ZSCAN10: variants seen among roughly 807,000 people sequenced by gnomAD.
The protein encoded by ZSCAN10 is zinc finger and SCAN domain-containing protein 10.
ZSCAN10 carries 52 observed loss-of-function variants against 63.7 expected under a neutral mutation model. That is an observed-to-expected ratio of 0.82 (90% CI 0.65 to 1.03). The LOEUF is 1.03. Ranked by LOEUF, ZSCAN10 falls within the 50% of genes least tolerant of loss-of-function variation. The pLI is 0.00. For synonymous variants in ZSCAN10, 544 were observed against 479.6 expected (o/e 1.13, Z -1.76); for missense variants, 1,223 against 1,103.8 (o/e 1.11, Z -1.53).
intron 1 of ZSCAN10, among the ~76,000 whole-genome samples, chr16:3,094,650 G>C (rs1404213957): frequency 2.6e-5 from 4 of 152,014 alleles, no homozygotes; most frequent in African/African-American, 9.7e-5. Flanking sequence ...CGACCTAATG[G>C]TGGCCTTTAG....
chr16:3,098,560 A>G (rs1445204764), intron 1 of ZSCAN10, among the ~76,000 whole-genome samples: 1 of 152,220 alleles, frequency 6.6e-6, no homozygotes, highest in Non-Finnish European at 1.5e-5. Flanking sequence ...AGATCTCTCC[A>G]AAAGGTTTCA....
rs753802167 is a variant in ZSCAN10 at position 3,089,518 on chromosome 16, C to T, written c.1916G>A (p.Cys639Tyr). ...TGEKPCRCSE[C>Y]GEGFSQSAHL... ...GGCGCTCTGGCTGAAGCCCTCACCGCACTCGCTGCAGCGGCAGGGCTTCTC... is the reference window on the plus strand; with the variant it reads ...GGCGCTCTGGCTGAAGCCCTCACCGTACTCGCTGCAGCGGCAGGGCTTCTC... The change falls in exon 6 of 6, where the codon TGC becomes TAC. Residue 639 changes from cysteine to tyrosine, a missense_variant. By Grantham distance (194) the Cys-to-Tyr change is radical (BLOSUM62 -2). Coordinates refer to ENST00000576985, the MANE Select transcript of ZSCAN10 (RefSeq NM_032805.3). 2.5e-6 allele frequency: 4 copies of T among 1,603,094 alleles called. No individual in the cohort carries two copies. The Admixed American group carries it at 5.1e-5, about 20-fold the overall frequency.
rs535992523 is a variant in ZSCAN10, at chr16:3,092,970, C to T, written c.-33G>A. 2 of 1,403,492 alleles carry T rather than the reference C, an allele frequency of 1.4e-6. No individual in the cohort carries two copies. The highest frequency in any genetic ancestry group is 2.7e-5 in the East Asian group (1 of 37,372). 86.9% of individuals were successfully genotyped at this position (1,403,492 alleles called of 1,614,324 possible). On this transcript the variant is annotated 5_prime_UTR_variant, in exon 2 of 6. Transcript: ENST00000576985. Reference sequence around the variant, plus strand: ...TGCGGGGATGCCTCCCTAACGCCAGCCCCGCTCTTGGGTCTCTCTCCTCTC... The same window carrying T: ...TGCGGGGATGCCTCCCTAACGCCAGTCCCGCTCTTGGGTCTCTCTCCTCTC...
chr16:3,096,440 C>T (rs951454618), intron 1 of ZSCAN10: 1 of 152,448 alleles, frequency 6.6e-6, no homozygotes, highest in Non-Finnish European at 1.5e-5. Context: ...AGCACCACTC[C>T]ACTCACCTGA....
intron 1 of ZSCAN10, among the ~76,000 whole-genome samples, chr16:3,098,757 A>G (rs1957186708): frequency 6.6e-6 from 1 of 152,236 alleles, no homozygotes; most frequent in Admixed American, 6.5e-5. Flanking sequence ...AGGTGCTGCC[A>G]CGAGACCCAC....
intron 5 of ZSCAN10, 66 bp from the exon 6 acceptor site, chr16:3,090,712 C>T (rs1451185110): frequency 7.5e-6 from 11 of 1,465,034 alleles, no homozygotes; most frequent in African/African-American, 1.4e-5. Context: ...TCACCAGAAC[C>T]TGATTGGCCT....
In ZSCAN10 at chr16:3,090,013, G is replaced by T; in HGVS notation, c.1421C>A (p.Thr474Asn). The change falls in exon 6 of 6, where the codon ACC becomes AAC. Residue 474 changes from threonine to asparagine, a missense_variant. By Grantham distance (65) the Thr-to-Asn change is moderately conservative. Coordinates refer to ENST00000576985, the MANE Select transcript of ZSCAN10 (RefSeq NM_032805.3). ...GCCGCAGTGGGAGCACAGGACATCG[G>T]TCAGTGGCGGCGCTTCGGCCTTACT... ...PESKAEAPPL[T>N]DVLCSHCGQS... is the part of the protein sequence containing the mutation. 6.4e-7 allele frequency: 1 copy of T among 1,573,180 alleles called. No homozygotes were observed.
rs1355981244 is a variant in ZSCAN10 at position 3,091,790 on chromosome 16, G to A, written c.703C>T (p.Arg235Ter). Residue 235 changes from arginine (R) to a stop codon, truncating the protein, a stop_gained, in exon 4 of 6, where the codon CGA (arginine) becomes TGA (stop). Coordinates refer to ENST00000576985, the MANE Select transcript of ZSCAN10 (RefSeq NM_032805.3). LOFTEE classifies it high-confidence loss of function. ...GPSPWPEESSRDQELAAVLEC... is the reference protein window; with the variant it reads ...GPSPWPEESS Reference sequence around the variant, plus strand: ...AGCACAGCCGCCAGCTCCTGATCTCGGGAACTCTCCTCTGGCCATGGTGAG... The same window carrying A: ...AGCACAGCCGCCAGCTCCTGATCTCAGGAACTCTCCTCTGGCCATGGTGAG... The A allele has an allele frequency of 1.0e-5, 16 of 1,572,872 alleles. No homozygotes were observed. The highest frequency in any genetic ancestry group is 2.7e-5 in the African/African-American group (2 of 73,658).
At position 3,089,568 on chromosome 16, in the gene ZSCAN10, G is replaced by C; in HGVS notation, c.1866C>G (p.Ala622=). Residue 622 remains alanine, a synonymous_variant, in exon 6 of 6, where the codon GCC becomes GCG. Coordinates refer to ENST00000576985, the MANE Select transcript of ZSCAN10 (RefSeq NM_032805.3). The part of the protein sequence containing the change: ...GKSFGQTQDL[A]RHQRSHTGEK... ...CGCCCGTGTGGCTGCGCTGGTGGCG[G>C]GCCAGATCCTGGGTCTGGCCGAAAC... 1 of 1,593,836 alleles carries C rather than the reference G, an allele frequency of 6.3e-7. No homozygotes were observed. Among genetic ancestry groups the C allele is most frequent in the South Asian group, 1.1e-5 (1 of 89,216 alleles).
chr16:3,089,515 C>G lies in ZSCAN10; in HGVS notation c.1919G>C (p.Gly640Ala), dbSNP rs1364896891. 2 of 1,603,068 alleles carry G rather than the reference C, an allele frequency of 1.2e-6. No homozygotes were observed. Among genetic ancestry groups the G allele is most frequent in the African/African-American group, 1.3e-5 (1 of 74,502 alleles). ...GEKPCRCSEC[G>A]EGFSQSAHLA... ...GTGGGCGCTCTGGCTGAAGCCCTCA[C>G]CGCACTCGCTGCAGCGGCAGGGCTT... is the stretch of plus-strand genomic sequence containing the variant. The change falls in exon 6 of 6, where the codon GGT (glycine) becomes GCT (alanine). Residue 640 changes from glycine to alanine, a missense_variant. By Grantham distance (60) the Gly-to-Ala change is moderately conservative. Transcript: ENST00000576985.
rs1957098151 is a variant in ZSCAN10, at chr16:3,092,553, CG to C, written c.384del (p.His128GlnfsTer80). On this transcript the variant is annotated frameshift_variant, in exon 2 of 6. Transcript: ENST00000576985. LOFTEE classifies it high-confidence loss of function. Reference sequence around the variant, plus strand: ...CCCCACCCTCTCACCAGCGGCCCCGCGTGGCTGGGCTCCCGGTGGATGCCCT... The same window carrying C: ...CCCCACCCTCTCACCAGCGGCCCCGCTGGCTGGGCTCCCGGTGGATGCCCT... ...LLEGIHREPS[H>X]AGPLDFSCNA... 1.3e-6 allele frequency: 2 copies of C among 1,536,790 alleles called. No individual in the cohort carries two copies. Among genetic ancestry groups the C allele is most frequent in the Non-Finnish European group, 1.7e-6 (2 of 1,143,286 alleles).
chr16:3,091,882 G>A (rs1199301235), intron 3 of ZSCAN10, 54 bp from the exon 4 acceptor site: 1 of 1,585,610 alleles, frequency 6.3e-7, no homozygotes, highest in Non-Finnish European at 8.6e-7. Flanking sequence ...AGCCCTGCCT[G>A]CCATATGGCT....
chr16:3,095,325 G>T (rs1957139295), intron 1 of ZSCAN10, among the ~76,000 whole-genome samples: 2 of 152,192 alleles, frequency 1.3e-5, no homozygotes, highest in East Asian at 1.9e-4. Context: ...AGACCATCCT[G>T]TCTAACATGG....
Position 3,090,060 on chromosome 16 carries a change from C to T in ZSCAN10, c.1374G>A (p.Gln458=), listed in dbSNP as rs748510235. The T allele has an allele frequency of 3.7e-6, 6 of 1,605,014 alleles. No homozygotes were observed. The South Asian group carries it at 5.5e-5, about 15-fold the overall frequency. ...TACTCTCAGGAGCGCAGGGCGGCTTCTGGTCCTGGGCGTGCGCCAGCAGGT... is the reference window on the plus strand; with the variant it reads ...TACTCTCAGGAGCGCAGGGCGGCTTTTGGTCCTGGGCGTGCGCCAGCAGGT... ...VQHLLAHAQD[Q]KPPCAPESKA... The change falls in exon 6 of 6, where the codon CAG becomes CAA. Residue 458 remains glutamine (Q), a synonymous_variant. Transcript: ENST00000576985.
intron 5 of ZSCAN10, among the ~76,000 whole-genome samples, chr16:3,091,137 C>T (rs1289491474): frequency 1.3e-5 from 2 of 150,684 alleles, no homozygotes; most frequent in Admixed American, 1.3e-4. Flanking sequence ...CAAGGGTGCC[C>T]TTTTATTTGA....
chr16:3,097,748 A>G (rs1162048459), intron 1 of ZSCAN10, among the ~76,000 whole-genome samples: 3 of 152,152 alleles, frequency 2.0e-5, no homozygotes, highest in African/African-American at 4.8e-5. Flanking sequence ...TAGTTCAATG[A>G]GTGTTCATCC....
At chr16:3,091,273 C>T (rs1957070637) in intron 5 of ZSCAN10, among the ~76,000 whole-genome samples, 1 of 152,056 alleles carries the variant, frequency 6.6e-6, no homozygotes, top group Non-Finnish European at 1.5e-5. Context: ...GATTGTGCCA[C>T]AGTCTGGGCG....
chr16:3,090,092 CA>C lies in ZSCAN10; in HGVS notation c.1341del (p.Val448CysfsTer26). The C allele has an allele frequency of 1.9e-6, 3 of 1,603,528 alleles. No individual in the cohort carries two copies. Among genetic ancestry groups the C allele is most frequent in the Non-Finnish European group, 2.5e-6 (3 of 1,178,522 alleles). On this transcript the variant is annotated frameshift_variant, in exon 6 of 6. Coordinates refer to ENST00000576985, the MANE Select transcript of ZSCAN10 (RefSeq NM_032805.3). LOFTEE classifies it high-confidence loss of function. ...CGRGFQRRASLVQHLLAHAQD... is the reference protein window; with the variant it reads ...CGRGFQRRASXVQHLLAHAQD... Reference sequence around the variant, plus strand: ...TGGGCGTGCGCCAGCAGGTGCTGCACAAGGCTGGCGCGGCGCTGGAAGCCGC... The same window carrying C: ...TGGGCGTGCGCCAGCAGGTGCTGCACAGGCTGGCGCGGCGCTGGAAGCCGC...
chr16:3,090,375 C>G lies in ZSCAN10; in HGVS notation c.1059G>C (p.Gly353=), dbSNP rs1276813446. The part of the protein sequence containing the change: ...PELQFICADC[G]VSFPQLSRLK... ...GGCGAGACAGCTGCGGGAAGCTCAC[C>G]CCGCAGTCCGCGCAGATGAACTGCA... The change falls in exon 6 of 6, where the codon GGG becomes GGC. Residue 353 remains glycine (G), a synonymous_variant. Transcript: ENST00000576985. 2 of 1,613,172 alleles carry G rather than the reference C, an allele frequency of 1.2e-6. No homozygotes were observed. The highest frequency in any genetic ancestry group is 2.2e-5 in the South Asian group (2 of 91,062).
Sources: gnomAD v4.1 joint callset for allele counts (sites outside exome capture counted in the v4.1 genomes callset) on GRCh38, gnomAD v4.1.1 for gene constraint, MANE v1.5 for transcripts, NCBI Gene and HGNC (gene_info 2026-07-23, HGNC 2026-07-21) for gene names.